ROBO1: variants seen among roughly 807,000 people sequenced by gnomAD.
The protein encoded by ROBO1 is roundabout guidance receptor 1, also known as roundabout homolog 1.
In ROBO1, 149 loss-of-function variants were observed where a neutral mutation model predicts 195.9. The ratio of observed to expected loss-of-function variants is 0.76; its 90% CI spans 0.67 to 0.87. ROBO1 has a LOEUF of 0.87. Among genes scored for constraint, ROBO1 ranks in the 40% least tolerant of loss-of-function variants. ROBO1 has a pLI of 0.00. For missense variants in ROBO1, 1,933 were observed against 2,068.3 expected (o/e 0.93, Z 1.27); for synonymous variants, 816 against 733.2 (o/e 1.11, Z -1.82).
chr3:79,026,522 T>C (rs1318911703), intron 3 of ROBO1, among the ~76,000 whole-genome samples: 1 of 152,082 alleles, frequency 6.6e-6, no homozygotes, highest in East Asian at 1.9e-4. Context: ...GCTTTTTTAT[T>C]TTATGTCCAA....
chr3:78,605,976 T>C (rs1385746070), intron 29 of ROBO1, among the ~76,000 whole-genome samples: 1 of 152,218 alleles, frequency 6.6e-6, no homozygotes, highest in African/African-American at 2.4e-5. Context: ...CTTTCATATT[T>C]TATACTTAGA....
chr3:78,694,582 A>G (rs1421306365), intron 8 of ROBO1, among the ~76,000 whole-genome samples: 1 of 152,250 alleles, frequency 6.6e-6, no homozygotes, highest in Non-Finnish European at 1.5e-5. Flanking sequence ...CACTCAAGTT[A>G]GAAAAGTTAA....
At chr3:78,901,639 A>G (rs2037594037) in intron 4 of ROBO1, among the ~76,000 whole-genome samples, 1 of 152,188 alleles carries the variant, frequency 6.6e-6, no homozygotes, top group South Asian at 2.1e-4. Context: ...CAGTGGGAGT[A>G]ATGTGTCTCT....
At chr3:78,870,457 T>C (rs1465283011) in intron 4 of ROBO1, among the ~76,000 whole-genome samples, 1 of 152,180 alleles carries the variant, frequency 6.6e-6, no homozygotes, top group Non-Finnish European at 1.5e-5. Context: ...TCTCACACAG[T>C]ATTCTCAGAA....
At chr3:78,741,265 A>G (rs1228166978) in intron 5 of ROBO1, among the ~76,000 whole-genome samples, 5 of 152,210 alleles carry the variant, frequency 3.3e-5, no homozygotes, top group African/African-American at 1.2e-4. Flanking sequence ...TAGAAATCCA[A>G]TACAAAGTAT....
intron 18 of ROBO1, 121 bp from the exon 19 acceptor site, chr3:78,652,050 C>G (rs1706697888): frequency 1.3e-5 from 10 of 761,096 alleles, no homozygotes; most frequent in Non-Finnish European, 2.2e-5. Flanking sequence ...TCCTCTCACA[C>G]CACTCACCAT....
At chr3:78,883,382 A>G (rs746261067) in intron 4 of ROBO1, among the ~76,000 whole-genome samples, 27 of 151,992 alleles carry the variant, frequency 1.8e-4, no homozygotes, top group Non-Finnish European at 3.2e-4. Context: ...CAACCACATG[A>G]GACGCAGATA....
At chr3:79,496,480 T>A (rs1463722673) in intron 2 of ROBO1, among the ~76,000 whole-genome samples, 2 of 140,494 alleles carry the variant, frequency 1.4e-5, no homozygotes, top group African/African-American at 5.4e-5. Flanking sequence ...GCTTCCCGGG[T>A]TCACGCCATT....
chr3:78,779,415 A>T (rs1427880732), intron 4 of ROBO1, among the ~76,000 whole-genome samples: 1 of 152,158 alleles, frequency 6.6e-6, no homozygotes, highest in Non-Finnish European at 1.5e-5. Context: ...TACAAGAAAA[A>T]AGCAAACAAC....
chr3:79,701,924 G>A (rs181068693), intron 1 of ROBO1, among the ~76,000 whole-genome samples: 36 of 151,668 alleles, frequency 2.4e-4, no homozygotes, highest in African/African-American at 8.0e-4. Flanking sequence ...CTATGGGCAG[G>A]GCTTTTATTG....
intron 1 of ROBO1, among the ~76,000 whole-genome samples, chr3:79,614,621 TAA>T (rs1005986300): frequency 2.6e-5 from 4 of 152,072 alleles, no homozygotes; most frequent in African/African-American, 4.8e-5. Context: ...TAGAACAATA[TAA>T]GTCATGAAAT....
At chr3:79,320,213 T>C (rs2033916635) in intron 2 of ROBO1, among the ~76,000 whole-genome samples, 1 of 152,178 alleles carries the variant, frequency 6.6e-6, no homozygotes, top group Non-Finnish European at 1.5e-5. Flanking sequence ...AGTCTCTCAT[T>C]GTATGCTTGC....
At chr3:79,528,988 A>G (rs1026447200) in intron 2 of ROBO1, among the ~76,000 whole-genome samples, 1 of 152,142 alleles carries the variant, frequency 6.6e-6, no homozygotes, top group Non-Finnish European at 1.5e-5. Flanking sequence ...GCATAAAATT[A>G]TTTTTACAGC....
intron 17 of ROBO1, among the ~76,000 whole-genome samples, chr3:78,659,468 C>T (rs190667321): frequency 3.4e-4 from 52 of 152,186 alleles, no homozygotes; most frequent in African/African-American, 1.3e-3. Flanking sequence ...AAAAGATTCA[C>T]CAAGATATAT....
At chr3:79,742,431 A>C (rs1400220178) in intron 1 of ROBO1, among the ~76,000 whole-genome samples, 1 of 152,092 alleles carries the variant, frequency 6.6e-6, no homozygotes, top group Non-Finnish European at 1.5e-5. Flanking sequence ...CAGAGGGTGC[A>C]AGCTAGCAGC....
chr3:79,050,548 C>T (rs1215754172), intron 3 of ROBO1, among the ~76,000 whole-genome samples: 4 of 152,090 alleles, frequency 2.6e-5, no homozygotes, highest in African/African-American at 9.7e-5. Context: ...CCAAGCGGAC[C>T]TAATAGACAT....
At chr3:79,267,087 A>C (rs1471438273) in intron 2 of ROBO1, among the ~76,000 whole-genome samples, 1 of 151,496 alleles carries the variant, frequency 6.6e-6, no homozygotes, top group Non-Finnish European at 1.5e-5. Context: ...TGGATATTTA[A>C]ATTTATGAAT....
chr3:79,468,060 A>C (rs1938066118), intron 2 of ROBO1, among the ~76,000 whole-genome samples: 1 of 152,196 alleles, frequency 6.6e-6, no homozygotes, highest in Non-Finnish European at 1.5e-5. Flanking sequence ...CAAAGTCTGG[A>C]CTAGTTTACT....
chr3:79,661,667 A>G (rs1255312861), intron 1 of ROBO1, among the ~76,000 whole-genome samples: 1 of 151,862 alleles, frequency 6.6e-6, no homozygotes, highest in East Asian at 1.9e-4. Flanking sequence ...TTGTACAGAG[A>G]CAGGTGTACA....
Sources: allele counts gnomAD v4.1 joint callset (sites outside exome capture counted in the v4.1 genomes callset), GRCh38; gene constraint gnomAD v4.1.1; transcripts MANE v1.5; gene names NCBI Gene and HGNC (gene_info 2026-07-23, HGNC 2026-07-21).